ZNF687: variants seen among roughly 807,000 people sequenced by gnomAD.
ZNF687 encodes zinc finger protein 687.
ZNF687 carries 13 observed loss-of-function variants against 71.8 expected under a neutral mutation model. The ratio of observed to expected loss-of-function variants is 0.18; its 90% CI spans 0.12 to 0.29. The LOEUF (loss-of-function observed/expected upper bound fraction) is 0.29, where lower values mean the gene tolerates loss of function less well. ZNF687 is among the 10% of genes least tolerant of loss of function. The probability of loss-of-function intolerance (pLI) is 1.00; values close to 1 mark genes in which losing one functional copy is unlikely to be tolerated. For synonymous variants in ZNF687, 673 were observed against 641.6 expected, an observed-to-expected ratio of 1.05 and a Z score of -0.74; for missense variants, 1,412 against 1,625.6, an observed-to-expected ratio of 0.87 and a Z score of 2.26.
rs1694046820 is a variant in ZNF687, at chr1:151,288,348, C to G, written c.2057C>G (p.Ala686Gly). 1 of 1,610,590 alleles carries G rather than the reference C, an allele frequency of 6.2e-7. No individual in the cohort carries two copies. The highest frequency in any genetic ancestry group is 8.5e-7 in the Non-Finnish European group (1 of 1,179,814). ...TGCAAGGAACAGTGCCGGGACAAGG[C>G]TGGCATGGCAGCTCACTTCCAGCAG... Reference protein sequence around the residue: ...LECKEQCRDKAGMAAHFQQLG... With the variant: ...LECKEQCRDKGGMAAHFQQLG... Residue 686 changes from alanine (A) to glycine (G), a missense_variant, in exon 2 of 9, where the codon GCT becomes GGT. By Grantham distance (60) the Ala-to-Gly change is moderately conservative. Transcript: ENST00000336715.
In ZNF687 at chr1:151,289,513, A is replaced by C. The variant is rs766485549; in HGVS notation, c.2607A>C (p.Gln869His). 2.5e-6 allele frequency: 4 copies of C among 1,614,062 alleles called. No homozygotes were observed. In the Admixed American group the frequency reaches 6.7e-5, roughly 27 times the overall value. The change falls in exon 5 of 9, where the codon CAA becomes CAC. Residue 869 changes from glutamine to histidine, a missense_variant. By Grantham distance (24) the Gln-to-His change is conservative. This residue lies in a region of ZNF687 where 106 missense variants were observed against 146.0 expected (regional missense o/e 0.73). Transcript: ENST00000336715. ...CGTCTTGTCCTCTGCTCTTTGCCCA[A>C]AAAAGGACCATGCTGGAACATCTCA... The part of the protein sequence containing the change: ...KCPSCPLLFA[Q>H]KRTMLEHLKN...
At position 151,290,390 on chromosome 1, in the gene ZNF687, C is replaced by T. The variant is rs140140243; in HGVS notation, c.3078-42C>T. 1.2e-3 allele frequency: 1,928 copies of T among 1,613,338 alleles called. 1 individual carries two copies. Among genetic ancestry groups the T allele is most frequent in the Non-Finnish European group, 1.6e-3 (1,851 of 1,179,962 alleles). ...CCTCAGAAGCAAGGGCCCTGGCCTT[C>T]GGGCTGTGCCGCTGCTGCCATCCTG... On this transcript the variant is annotated intron_variant, in intron 7 of 8. Transcript: ENST00000336715.
In ZNF687 at chr1:151,287,069, G is replaced by A. The variant is rs761467784; in HGVS notation, c.778G>A (p.Val260Met). 17 of 1,612,774 alleles carry A rather than the reference G, an allele frequency of 1.1e-5. 1 individual carries two copies. In the Admixed American group the frequency reaches 2.2e-4, roughly 21 times the overall value. ...TGCCTCGCCTCCCCCAGTTGCTGGGGTGCCCTTCTTCAAGCAGTCTCCAGG... is the reference window on the plus strand; with the variant it reads ...TGCCTCGCCTCCCCCAGTTGCTGGGATGCCCTTCTTCAAGCAGTCTCCAGG... ...ASASPPPVAGVPFFKQSPGHQ... is the reference protein window; with the variant it reads ...ASASPPPVAGMPFFKQSPGHQ... Residue 260 changes from valine (V) to methionine (M), a missense_variant, in exon 2 of 9, where the codon GTG (valine) becomes ATG (methionine). Val to Met is a conservative substitution (Grantham distance 21). Coordinates refer to ENST00000336715, the MANE Select transcript of ZNF687 (RefSeq NM_020832.3). This position sits in a 1 kb window ranked among gnomAD's most constrained non-coding sequence, Gnocchi z 5.0.
In ZNF687 at chr1:151,287,578, G is replaced by C. The variant is rs142862333; in HGVS notation, c.1287G>C (p.Gly429=). ...VARKAVVLPG[G]TATSPKMIAK... is the part of the protein sequence containing the mutation. ...GCAAGGCTGTGGTGCTGCCTGGGGG[G>C]ACTGCCACCAGCCCTAAGATGATTG... Residue 429 remains glycine, a synonymous_variant, in exon 2 of 9, where the codon GGG becomes GGC. Transcript: ENST00000336715. The surrounding 1 kb of genome is among the most constrained non-coding windows in gnomAD (Gnocchi z 5.0). 5.1e-5 allele frequency: 83 copies of C among 1,613,888 alleles called. 1 individual carries two copies. Among genetic ancestry groups the C allele is most frequent in the African/African-American group, 3.2e-4 (24 of 74,916 alleles).
In ZNF687 at chr1:151,288,575, C is replaced by T. The variant is rs763463975; in HGVS notation, c.2163C>T (p.Ser721=). The change falls in exon 3 of 9, where the codon AGC becomes AGT. Residue 721 remains serine (S), a synonymous_variant. Coordinates refer to ENST00000336715, the MANE Select transcript of ZNF687 (RefSeq NM_020832.3). ...PMMLPNRCSF[S]AHQRMHKNRP... ...TGCTCCCCAATCGCTGCAGCTTCAG[C>T]GCCCACCAGCGCATGCATAAGAATC... is the stretch of plus-strand genomic sequence containing the variant. The T allele has an allele frequency of 2.4e-5, 38 of 1,613,678 alleles. No individual in the cohort carries two copies. Among genetic ancestry groups the T allele is most frequent in the Middle Eastern group, 1.6e-4 (1 of 6,078 alleles).
At chr1:151,281,643 C>A (rs1214899418), upstream of ZNF687, 1 of 469,862 alleles carries the variant, frequency 2.1e-6, no homozygotes, top group Non-Finnish European at 4.4e-6. Flanking sequence ...AGGAGCTGAA[C>A]CGCGCGAGGA....
chr1:151,283,078 T>C (rs587658146), intron 1 of ZNF687: 17 of 983,792 alleles, frequency 1.7e-5, no homozygotes, highest in South Asian at 9.4e-5. Flanking sequence ...CTGGCCTGGC[T>C]GAGGCCCGGC....
Position 151,286,727 on chromosome 1 carries a change from G to A in ZNF687, c.436G>A (p.Gly146Arg). Reference protein sequence around the residue: ...GTPHSPAPPSGGTWKEKGMEG... With the variant: ...GTPHSPAPPSRGTWKEKGMEG... ...TCCCCACTCTCCTGCTCCTCCCAGT[G>A]GGGGCACCTGGAAAGAAAAAGGCAT... The change falls in exon 2 of 9, where the codon GGG becomes AGG. Residue 146 changes from glycine (G) to arginine (R), a missense_variant. Physicochemically the swap from Gly to Arg is moderately radical, Grantham distance 125 (BLOSUM62 -2). Coordinates refer to ENST00000336715, the MANE Select transcript of ZNF687 (RefSeq NM_020832.3). 6.2e-7 allele frequency: 1 copy of A among 1,614,188 alleles called. No individual in the cohort carries two copies. Among genetic ancestry groups the A allele is most frequent in the South Asian group, 1.1e-5 (1 of 91,080 alleles).
chr1:151,288,753 T>C (rs1694065076), intron 3 of ZNF687, 47 bp downstream of exon 3: 1 of 1,554,740 alleles, frequency 6.4e-7, no homozygotes, highest in East Asian at 2.3e-5. Context: ...TCGTGTGTCC[T>C]AGCCTCAGCC....
chr1:151,286,156 C>G, intron 1 of ZNF687, 119 bp from the exon 2 acceptor site: 1 of 798,532 alleles, frequency 1.3e-6, no homozygotes, highest in Non-Finnish European at 1.9e-6. Flanking sequence ...CGGAGGTGTA[C>G]CTAAGTTGGA....
In ZNF687 at chr1:151,292,121, A is replaced by G. The variant is rs1404241953; in HGVS notation, c.*912A>G. ...CTGCACTCCCCCAGAAAACCTGGAA[A>G]TGACACAAGTGGCTAACTAAGGACT... On this transcript the variant is annotated 3_prime_UTR_variant, in exon 9 of 9. Transcript: ENST00000336715. The G allele has an allele frequency of 6.6e-6, 1 of 152,328 alleles. No homozygotes were observed. The highest frequency in any genetic ancestry group is 1.9e-4 in the East Asian group (1 of 5,200). The allele number at this position is 152,328 out of a possible 1,614,324, so 9.4% of individuals were successfully genotyped here. A position where few individuals can be genotyped will look rare whatever the true frequency, so the allele number is the denominator to read the frequency against.
At chr1:151,281,955 C>A, upstream of ZNF687, 1 of 1,161,092 alleles carries the variant, frequency 8.6e-7, no homozygotes, top group Non-Finnish European at 1.1e-6. Flanking sequence ...CACCTGGGTG[C>A]TCCCCCTTCC....
chr1:151,282,159 G>A (rs897886778), upstream of ZNF687: 3 of 1,169,298 alleles, frequency 2.6e-6, no homozygotes, highest in Non-Finnish European at 3.3e-6. Flanking sequence ...GCAGTATTTA[G>A]GGCCAACCCA....
At chr1:151,289,643 CCCA>C (rs781471482) in intron 5 of ZNF687, 32 bp from the exon 6 acceptor site, 1 of 1,593,932 alleles carries the variant, frequency 6.3e-7, no homozygotes, top group Non-Finnish European at 8.6e-7. Flanking sequence ...CAGGCCCTCC[CCCA>C]CAACAGCAAC....
Position 151,290,437 on chromosome 1 carries a change from GCA to G in ZNF687, c.3086_3087del (p.Thr1029ArgfsTer55). 6.2e-7 allele frequency: 1 copy of G among 1,613,840 alleles called. No individual in the cohort carries two copies. The highest frequency in any genetic ancestry group is 8.5e-7 in the Non-Finnish European group (1 of 1,180,030). On this transcript the variant is annotated frameshift_variant, in exon 8 of 9. Transcript: ENST00000336715. LOFTEE classifies it high-confidence loss of function. ...CCTGTCCTCTCCCATTTCAGGTATT[GCA>G]CAGAGGGAAAACGCACCTTCAGCAG...
chr1:151,291,084 G>A lies in ZNF687; in HGVS notation c.3589G>A (p.Gly1197Arg). ...DGGDSPLPAS[G>R]GPLTCKVCGK... ...TGGAGACTCACCCCTGCCTGCTTCT[G>A]GAGGCCCACTGACCTGTAAGGTCTG... The change falls in exon 9 of 9, where the codon GGA becomes AGA. Residue 1197 changes from glycine (G) to arginine (R), a missense_variant. This residue lies in a region of ZNF687 where 284 missense variants were observed against 359.2 expected (regional missense o/e 0.79). Transcript: ENST00000336715. 1 of 1,613,706 alleles carries A rather than the reference G, an allele frequency of 6.2e-7. No homozygotes were observed. Among genetic ancestry groups the A allele is most frequent in the Non-Finnish European group, 8.5e-7 (1 of 1,180,010 alleles).
chr1:151,287,861 G>A lies in ZNF687; in HGVS notation c.1570G>A (p.Ala524Thr). 1 of 1,613,978 alleles carries A rather than the reference G, an allele frequency of 6.2e-7. No homozygotes were observed. Among genetic ancestry groups the A allele is most frequent in the Non-Finnish European group, 8.5e-7 (1 of 1,180,028 alleles). Residue 524 changes from alanine (A) to threonine (T), a missense_variant, in exon 2 of 9, where the codon GCT (alanine) becomes ACT (threonine). Physicochemically the swap from Ala to Thr is moderately conservative, Grantham distance 58. Coordinates refer to ENST00000336715, the MANE Select transcript of ZNF687 (RefSeq NM_020832.3). The surrounding 1 kb of genome is among the most constrained non-coding windows in gnomAD (Gnocchi z 5.0). ...GCCAAACCTGAGCCCACCAGCTGAGGCTGGGCTGGCCCTGCCTCCCACCGG... is the reference window on the plus strand; with the variant it reads ...GCCAAACCTGAGCCCACCAGCTGAGACTGGGCTGGCCCTGCCTCCCACCGG... ...YRPNLSPPAE[A>T]GLALPPTGYR... is the part of the protein sequence containing the mutation.
chr1:151,285,524 C>T (rs1041867268), intron 1 of ZNF687: 3 of 152,186 alleles, frequency 2.0e-5, no homozygotes, highest in African/African-American at 7.2e-5. Context: ...AGCAATTCTT[C>T]TGCCTCAGCC....
rs1254049396 is a variant in ZNF687 at position 151,289,666 on chromosome 1, C to T, written c.2635-12C>T. 1 of 1,581,480 alleles carries T rather than the reference C, an allele frequency of 6.3e-7. No individual in the cohort carries two copies. Among genetic ancestry groups the T allele is most frequent in the Middle Eastern group, 1.7e-4 (1 of 6,008 alleles). Reference sequence around the variant, plus strand: ...CCCCCACAACAGCAACCTCCCTTGTCTCCTCTCACAGAACACCCATCAGTC... The same window carrying T: ...CCCCCACAACAGCAACCTCCCTTGTTTCCTCTCACAGAACACCCATCAGTC... On this transcript the variant is annotated splice_polypyrimidine_tract_variant and intron_variant, in intron 5 of 8. Coordinates refer to ENST00000336715, the MANE Select transcript of ZNF687 (RefSeq NM_020832.3).
Sources: allele counts gnomAD v4.1 joint callset, GRCh38; gene constraint gnomAD v4.1.1; regional missense constraint gnomAD v4.1.1; non-coding constraint Gnocchi (gnomAD v3.1); transcripts MANE v1.5; gene names NCBI Gene and HGNC (gene_info 2026-07-23, HGNC 2026-07-21).